Variants in UBE2W observed in about 807,000 individuals in gnomAD.
UBE2W encodes the protein ubiquitin-conjugating enzyme E2 W.
A neutral mutation model predicts 27.2 loss-of-function variants in UBE2W; 18 were observed. The ratio of observed to expected loss-of-function variants is 0.66; its 90% CI spans 0.46 to 0.98. The LOEUF (loss-of-function observed/expected upper bound fraction) is 0.98. Ranked by LOEUF, UBE2W falls within the 50% of genes least tolerant of loss-of-function variation. The pLI is 0.00. For missense variants in UBE2W, 90 were observed against 180.2 expected (o/e 0.50, Z 2.87); for synonymous variants, 53 against 57.2 (o/e 0.93, Z 0.33).
At chr8:73,800,479 G>C (rs939408124) in intron 5 of UBE2W, among the ~76,000 whole-genome samples, 2 of 152,114 alleles carry the variant, frequency 1.3e-5, no homozygotes, top group African/African-American at 2.4e-5. Flanking sequence ...CCCAGGACTG[G>C]GGACTGGAGT....
chr8:73,797,204 A>C (rs186736558), intron 5 of UBE2W, among the ~76,000 whole-genome samples: 3 of 152,188 alleles, frequency 2.0e-5, no homozygotes, highest in African/African-American at 7.2e-5. Context: ...AAGGTCATTT[A>C]GTTTTCTCCT....
At chr8:73,830,552 C>A in intron 1 of UBE2W, 80 bp from the exon 2 acceptor site, 3 of 991,736 alleles carry the variant, frequency 3.0e-6, no homozygotes, top group South Asian at 2.8e-5. Flanking sequence ...GTGGTGTGAT[C>A]ACAGCTCACC....
intron 2 of UBE2W, among the ~76,000 whole-genome samples, 169 bp from the exon 3 acceptor site, chr8:73,825,418 C>T (rs1809795769): frequency 6.6e-6 from 1 of 152,136 alleles, no homozygotes; most frequent in Non-Finnish European, 1.5e-5. Context: ...ATTCTCATGA[C>T]CTATCCCCTT....
chr8:73,801,904 G>A (rs572200072), intron 5 of UBE2W, among the ~76,000 whole-genome samples: 13 of 152,280 alleles, frequency 8.5e-5, no homozygotes, highest in African/African-American at 3.1e-4. Flanking sequence ...AGTTTATTAG[G>A]TTCCTCAAAG....
Position 73,788,426 on chromosome 8 carries a change from T to C in UBE2W, c.*5676A>G, listed in dbSNP as rs1200574111. On this transcript the variant is annotated 3_prime_UTR_variant, in exon 6 of 6. Transcript: ENST00000602593. ...AATGGCACCAACTAAAACAAACAAA[T>C]TCATTTTGACCTGAACATGCATTTA... 25 of 985,280 alleles carry C rather than the reference T, an allele frequency of 2.5e-5. No homozygotes were observed. The highest frequency in any genetic ancestry group is 2.9e-5 in the Non-Finnish European group (24 of 829,916). 61.0% of individuals were successfully genotyped at this position (985,280 alleles called of 1,614,324 possible). A position where few individuals can be genotyped will look rare whatever the true frequency, so the allele number is the denominator to read the frequency against.
chr8:73,784,623 CAG>C (rs920044587), downstream of UBE2W, among the ~76,000 whole-genome samples: 1 of 152,188 alleles, frequency 6.6e-6, no homozygotes, highest in Admixed American at 6.5e-5. Flanking sequence ...CACTGCCAGT[CAG>C]GGACCACACC....
rs939992632 is a variant in UBE2W, at chr8:73,788,034, T to C, written c.*6068A>G. On this transcript the variant is annotated 3_prime_UTR_variant, in exon 6 of 6. Transcript: ENST00000602593. ...TATAATCCTTTAAAATTCAGTCTTT[T>C]GTGAAGAGAAACTACTGTACAAATA... The C allele has an allele frequency of 2.4e-5, 24 of 985,342 alleles. No individual in the cohort carries two copies. In the African/African-American group the frequency reaches 3.1e-4, roughly 13 times the overall value. 61.0% of individuals were successfully genotyped at this position (985,342 alleles called of 1,614,324 possible).
At chr8:73,798,493 A>C (rs1371904596) in intron 5 of UBE2W, among the ~76,000 whole-genome samples, 1 of 152,194 alleles carries the variant, frequency 6.6e-6, no homozygotes, top group Admixed American at 6.5e-5. Context: ...GGGATATTCA[A>C]CCTACAGTTT....
rs543383683 is a variant in UBE2W, at chr8:73,788,612, G to T, written c.*5490C>A. Reference sequence around the variant, plus strand: ...TATGGTAGATTTCAGGCTTTAAATTGTAAGTTTCAGGCTTCAAAAGAGGCA... The same window carrying T: ...TATGGTAGATTTCAGGCTTTAAATTTTAAGTTTCAGGCTTCAAAAGAGGCA... On this transcript the variant is annotated 3_prime_UTR_variant, in exon 6 of 6. Transcript: ENST00000602593. 8.1e-6 allele frequency: 8 copies of T among 985,266 alleles called. No individual in the cohort carries two copies. Among genetic ancestry groups the T allele is most frequent in the Middle Eastern group, 5.2e-4 (1 of 1,936 alleles). 61.0% of individuals were successfully genotyped at this position (985,266 alleles called of 1,614,324 possible).
intron 1 of UBE2W, among the ~76,000 whole-genome samples, chr8:73,835,557 A>G (rs968510937): frequency 8.5e-5 from 13 of 152,270 alleles, no homozygotes; most frequent in Admixed American, 3.9e-4. Flanking sequence ...AGCCTGACTA[A>G]TATGGTGAAA....
intron 1 of UBE2W, among the ~76,000 whole-genome samples, chr8:73,855,211 T>C (rs566150884): frequency 2.6e-5 from 4 of 152,126 alleles, no homozygotes; most frequent in Non-Finnish European, 5.9e-5. Flanking sequence ...TACACCAGAA[T>C]AGTGAGAGAG....
At chr8:73,800,271 T>C (rs74357743) in intron 5 of UBE2W, among the ~76,000 whole-genome samples, 1,905 of 152,318 alleles carry the variant, frequency 0.013, 20 homozygotes, top group Non-Finnish European at 0.018. Flanking sequence ...AATATTTCCA[T>C]TCCTTGATTG....
intron 5 of UBE2W, among the ~76,000 whole-genome samples, chr8:73,802,115 G>C (rs2130857974): frequency 6.6e-6 from 1 of 152,338 alleles, no homozygotes; most frequent in African/African-American, 2.4e-5. Context: ...TTTTAGGACA[G>C]ATTCTCTGAA....
chr8:73,868,394 T>C (rs1474513940), intron 1 of UBE2W, among the ~76,000 whole-genome samples: 3 of 152,240 alleles, frequency 2.0e-5, no homozygotes, highest in Non-Finnish European at 2.9e-5. Context: ...ACCTCACATA[T>C]GCATAGCTTC....
chr8:73,824,508 C>T (rs1475375513), intron 3 of UBE2W, among the ~76,000 whole-genome samples: 2 of 152,190 alleles, frequency 1.3e-5, no homozygotes, highest in Non-Finnish European at 2.9e-5. Flanking sequence ...GGAGAAGTGC[C>T]TCCAGTTATT....
chr8:73,794,223 T>A, intron 5 of UBE2W, 108 bp from the exon 6 acceptor site: 1 of 1,363,678 alleles, frequency 7.3e-7, no homozygotes, highest in Admixed American at 2.1e-5. Flanking sequence ...AGTACATAGT[T>A]TACATGTCTG....
intron 4 of UBE2W, among the ~76,000 whole-genome samples, chr8:73,809,760 A>T (rs1050822186): frequency 6.6e-6 from 1 of 151,994 alleles, no homozygotes; most frequent in African/African-American, 2.4e-5. Context: ...TTGTATTTTT[A>T]GTAGAGACAG....
intron 1 of UBE2W, among the ~76,000 whole-genome samples, chr8:73,877,527 C>G (rs924104762): frequency 6.6e-6 from 1 of 150,944 alleles, no homozygotes; most frequent in Non-Finnish European, 1.5e-5. Context: ...TATATTTGTA[C>G]AAAAGAGGAA....
downstream of UBE2W, among the ~76,000 whole-genome samples, chr8:73,781,464 T>A (rs751602127): frequency 6.6e-6 from 1 of 151,810 alleles, no homozygotes; most frequent in Non-Finnish European, 1.5e-5. Flanking sequence ...TGCAAACACA[T>A]CTCCTTTTCT....
Sources: gnomAD v4.1 joint callset for allele counts (sites outside exome capture counted in the v4.1 genomes callset) on GRCh38, gnomAD v4.1.1 for gene constraint, MANE v1.5 for transcripts, NCBI Gene and HGNC (gene_info 2026-07-23, HGNC 2026-07-21) for gene names.